IMPDH1: variants seen among roughly 807,000 people sequenced by gnomAD.
The protein encoded by IMPDH1 is inosine-5'-monophosphate dehydrogenase 1.
Under a neutral mutation model 73.5 loss-of-function variants are expected in IMPDH1, and 41 were observed. That is an observed-to-expected ratio of 0.56 (90% CI 0.43 to 0.72). The LOEUF (loss-of-function observed/expected upper bound fraction) is 0.72. Ranked by LOEUF, IMPDH1 falls within the 30% of genes least tolerant of loss-of-function variation. The probability of loss-of-function intolerance (pLI) is 0.00; values close to 1 mark genes in which losing one functional copy is unlikely to be tolerated. For missense variants in IMPDH1, 645 were observed against 824.8 expected (o/e 0.78, Z 2.67); for synonymous variants, 318 against 334.3 (o/e 0.95, Z 0.53).
At position 128,405,772 on chromosome 7, in the gene IMPDH1, G is replaced by C; in HGVS notation, c.348C>G (p.Thr116=). 6.5e-7 allele frequency: 1 copy of C among 1,538,106 alleles called. No individual in the cohort carries two copies. ...QQLFASADGL[T]YNDFLILPGF... ...GTACGAGACCCGGCGCTTACTTGTA[G>C]GTGAGGCCGTCGGCGCTGGCGAAGA... The change falls in exon 4 of 17, where the codon ACC becomes ACG. Residue 116 remains threonine, a synonymous_variant. Transcript: ENST00000338791.
At position 128,398,726 on chromosome 7, in the gene IMPDH1, C is replaced by G. The variant is rs1294869021; in HGVS notation, c.875-113G>C. The G allele has an allele frequency of 3.6e-6, 3 of 835,270 alleles. No homozygotes were observed. In the East Asian group the frequency reaches 7.7e-5, roughly 21 times the overall value. 51.7% of individuals were successfully genotyped at this position (835,270 alleles called of 1,614,324 possible). On this transcript the variant is annotated intron_variant, in intron 9 of 16. Coordinates refer to ENST00000338791, the MANE Select transcript of IMPDH1 (RefSeq NM_000883.4). This position sits in a 1 kb window ranked among gnomAD's most constrained non-coding sequence, Gnocchi z 4.3. ...ACTCCAGAGATTCCACTGAAGTACC[C>G]CAGTCAGCCACTAGGTGACAGCACC...
In IMPDH1 at chr7:128,398,071, C is replaced by T. The variant is rs909501933; in HGVS notation, c.1074+343G>A. On this transcript the variant is annotated intron_variant, in intron 10 of 16. Coordinates refer to ENST00000338791, the MANE Select transcript of IMPDH1 (RefSeq NM_000883.4). This position sits in a 1 kb window ranked among gnomAD's most constrained non-coding sequence, Gnocchi z 4.3. ...TTGCTGCAAAGGACAGGATTTCATT[C>T]TTTCTTATGGCTGTGCCACTGGAGA... Among the ~76,000 whole-genome samples, 1 of 152,212 alleles carries T rather than the reference C, an allele frequency of 6.6e-6. No individual in the cohort carries two copies. The highest frequency in any genetic ancestry group is 2.4e-5 in the African/African-American group (1 of 41,460).
At chr7:128,406,100 G>A (rs1179178426) in intron 3 of IMPDH1, 1 of 105,542 alleles carries the variant, frequency 9.5e-6, no homozygotes, top group African/African-American at 3.6e-5. Context: ...GCCTCCGCCC[G>A]CGCCGCACAA....
At chr7:128,408,450 C>G (rs1798918668) in intron 3 of IMPDH1, among the ~76,000 whole-genome samples, 1 of 152,190 alleles carries the variant, frequency 6.6e-6, no homozygotes, top group Admixed American at 6.5e-5. Context: ...ATCCTGTCCT[C>G]TTCCCACAGC....
In IMPDH1 at chr7:128,400,998, G is replaced by T; in HGVS notation, c.504+17C>A. 2 of 1,607,082 alleles carry T rather than the reference G, an allele frequency of 1.2e-6. No homozygotes were observed. The highest frequency in any genetic ancestry group is 1.7e-6 in the Non-Finnish European group (2 of 1,173,550). ...TTCCTGTGTGCCCTGGAGTCCCCAT[G>T]CAGGTGTGTAACTCACAGCCATGGC... is the stretch of plus-strand genomic sequence containing the variant. On this transcript the variant is annotated intron_variant, in intron 6 of 16. Transcript: ENST00000338791.
chr7:128,399,546 G>A lies in IMPDH1; in HGVS notation c.874+549C>T, dbSNP rs549782895. Among the ~76,000 whole-genome samples the A allele has an allele frequency of 4.1e-4, 63 of 151,826 alleles. No individual in the cohort carries two copies. The South Asian group carries it at 5.2e-3, about 13-fold the overall frequency. On this transcript the variant is annotated intron_variant, in intron 9 of 16. Coordinates refer to ENST00000338791, the MANE Select transcript of IMPDH1 (RefSeq NM_000883.4). ...ACAAAAAAAAAAAAAAAATTAGCTG[G>A]TATAGTAGCACATGCCTGTAATCCT...
rs753065401 is a variant in IMPDH1, at chr7:128,405,808, G to C, written c.312C>G (p.Thr104=). ...GTGYVPEDGL[T]AQQLFASADG... ...CGGCGCTGGCGAAGAGCTGCTGCGC[G>C]GTGAGCCCATCCTCGGGCACGTAGC... Residue 104 remains threonine, a synonymous_variant, in exon 4 of 17, where the codon ACC becomes ACG. Transcript: ENST00000338791. 9.1e-6 allele frequency: 14 copies of C among 1,543,414 alleles called. No homozygotes were observed. Among genetic ancestry groups the C allele is most frequent in the Middle Eastern group, 4.6e-4 (2 of 4,352 alleles).
At position 128,400,525 on chromosome 7, in the gene IMPDH1, G is replaced by A. The variant is rs1325770486; in HGVS notation, c.594C>T (p.Gly198=). 6.2e-7 allele frequency: 1 copy of A among 1,612,800 alleles called. No individual in the cohort carries two copies. Among genetic ancestry groups the A allele is most frequent in the East Asian group, 2.2e-5 (1 of 44,872 alleles). Residue 198 remains glycine, a synonymous_variant, in exon 8 of 17, where the codon GGC becomes GGT. Coordinates refer to ENST00000338791, the MANE Select transcript of IMPDH1 (RefSeq NM_000883.4). ...EVRKVKKFEQ[G]FITDPVVLSP... is the part of the protein sequence containing the mutation. Reference sequence around the variant, plus strand: ...TCAGCACCACAGGGTCCGTGATGAAGCCCTGTTCAAACTTCTGCGGGCAGA... The same window carrying A: ...TCAGCACCACAGGGTCCGTGATGAAACCCTGTTCAAACTTCTGCGGGCAGA...
Position 128,392,721 on chromosome 7 carries a change from G to T in IMPDH1, c.*286C>A. 2.1e-6 allele frequency: 1 copy of T among 465,470 alleles called. No individual in the cohort carries two copies. The highest frequency in any genetic ancestry group is 3.9e-6 in the Non-Finnish European group (1 of 255,304). 28.8% of individuals were successfully genotyped at this position (465,470 alleles called of 1,614,324 possible). A position where few individuals can be genotyped will look rare whatever the true frequency, so the allele number is the denominator to read the frequency against. On this transcript the variant is annotated 3_prime_UTR_variant, in exon 17 of 17. Transcript: ENST00000338791. Reference sequence around the variant, plus strand: ...TGGGGTGGGGGCCAGGCTGGAGCAGGCTGCAGCAAGAAAGACCTGAGGCAG... The same window carrying T: ...TGGGGTGGGGGCCAGGCTGGAGCAGTCTGCAGCAAGAAAGACCTGAGGCAG...
Position 128,409,912 on chromosome 7 carries a change from C to A in IMPDH1, c.-11G>T. 2 of 1,380,334 alleles carry A rather than the reference C, an allele frequency of 1.4e-6. No homozygotes were observed. Among genetic ancestry groups the A allele is most frequent in the South Asian group, 3.3e-5 (2 of 60,634 alleles). The allele number at this position is 1,380,334 out of a possible 1,614,324, so 85.5% of individuals were successfully genotyped here. A position where few individuals can be genotyped will look rare whatever the true frequency, so the allele number is the denominator to read the frequency against. On this transcript the variant is annotated 5_prime_UTR_variant, in exon 1 of 17. Coordinates refer to ENST00000338791, the MANE Select transcript of IMPDH1 (RefSeq NM_000883.4). ...GAGTGGCCCCTCCATGCGGAGGCCG[C>A]AGCTCAGGGCGGGCGGGAGCCTGGA...
rs748528873 is a variant in IMPDH1, at chr7:128,400,327, A to G, written c.786+6T>C. On this transcript the variant is annotated splice_donor_region_variant and intron_variant, in intron 8 of 16. Coordinates refer to ENST00000338791, the MANE Select transcript of IMPDH1 (RefSeq NM_000883.4). ...CCCAGCCCTGCTTCCCCTGCCCTGC[A>G]GGTACCTCACTGAGGAGGGTGGTGT... 2 of 1,613,104 alleles carry G rather than the reference A, an allele frequency of 1.2e-6. No homozygotes were observed. Among genetic ancestry groups the G allele is most frequent in the Non-Finnish European group, 1.7e-6 (2 of 1,179,470 alleles).
At chr7:128,405,996 G>A (rs1447111315) in intron 3 of IMPDH1, 131 bp from the exon 4 acceptor site, 10 of 632,196 alleles carry the variant, frequency 1.6e-5, no homozygotes, top group African/African-American at 2.0e-5. Context: ...GGCCGGGGGC[G>A]GGGGCGGGGG....
rs1037639535 is a variant in IMPDH1 at position 128,392,666 on chromosome 7, C to T, written c.*341G>A. On this transcript the variant is annotated 3_prime_UTR_variant, in exon 17 of 17. Coordinates refer to ENST00000338791, the MANE Select transcript of IMPDH1 (RefSeq NM_000883.4). ...AGGCTAGGGGCAGGGAGGTGCCCTA[C>T]AGGAGAAGCCAGGAGGGGCCGCCTG... The T allele has an allele frequency of 2.9e-6, 1 of 342,006 alleles. No homozygotes were observed. Among genetic ancestry groups the T allele is most frequent in the South Asian group, 3.3e-5 (1 of 30,574 alleles). The allele number at this position is 342,006 out of a possible 1,614,324, so 21.2% of individuals were successfully genotyped here.
intron 9 of IMPDH1, 78 bp downstream of exon 9, chr7:128,400,017 G>T: frequency 8.7e-7 from 1 of 1,153,334 alleles, no homozygotes; most frequent in Non-Finnish European, 1.3e-6. Context: ...GGGATAACCT[G>T]TAAGGCTGTG....
At chr7:128,406,126 C>A (rs1346040636) in intron 3 of IMPDH1, among the ~76,000 whole-genome samples, 2 of 150,164 alleles carry the variant, frequency 1.3e-5, no homozygotes, top group Non-Finnish European at 3.0e-5. Context: ...TCAGCCGCGC[C>A]GCGCGCACGC....
rs758641707 is a variant in IMPDH1, at chr7:128,400,400, A to T, written c.719T>A (p.Val240Glu). The T allele has an allele frequency of 1.2e-5, 20 of 1,612,376 alleles. No homozygotes were observed. The highest frequency in any genetic ancestry group is 1.7e-5 in the Non-Finnish European group (20 of 1,179,824). ...TETGTMGSKL[V>E]GIVTSRDIDF... is the part of the protein sequence containing the mutation. ...GATGTCTCGGGAGGTGACGATGCCC[A>T]CCAGCTTGCTGCCCATGGTGCCCGT... The change falls in exon 8 of 17, where the codon GTG becomes GAG. Residue 240 changes from valine to glutamate, a missense_variant. Val to Glu is a moderately radical substitution (Grantham distance 121). Transcript: ENST00000338791.
rs780809341 is a variant in IMPDH1 at position 128,400,477 on chromosome 7, A to G, written c.642T>C (p.Asp214=). 60 of 1,612,668 alleles carry G rather than the reference A, an allele frequency of 3.7e-5. No individual in the cohort carries two copies. The highest frequency in any genetic ancestry group is 4.6e-5 in the Non-Finnish European group (54 of 1,180,018). ...VVLSPSHTVG[D]VLEAKMRHGF... Reference sequence around the variant, plus strand: ...CATGCCGCATCTTGGCCTCCAGCACATCGCCCACAGTGTGCGAGGGGCTCA... The same window carrying G: ...CATGCCGCATCTTGGCCTCCAGCACGTCGCCCACAGTGTGCGAGGGGCTCA... The change falls in exon 8 of 17, where the codon GAT becomes GAC. Residue 214 remains aspartate, a synonymous_variant. Transcript: ENST00000338791.
chr7:128,403,792 G>A, intron 4 of IMPDH1, 38 bp from the exon 5 acceptor site: 1 of 1,593,478 alleles, frequency 6.3e-7, no homozygotes, highest in Non-Finnish European at 8.6e-7. Context: ...TAGTGGGGAG[G>A]GGTGCCCCAA....
chr7:128,405,500 C>T (rs985800219), intron 4 of IMPDH1, among the ~76,000 whole-genome samples: 7 of 152,178 alleles, frequency 4.6e-5, no homozygotes, highest in Non-Finnish European at 1.0e-4. Flanking sequence ...GCCCGAGGGC[C>T]CCTCCATGCC....
Sources: allele counts gnomAD v4.1 joint callset (sites outside exome capture counted in the v4.1 genomes callset), GRCh38; gene constraint gnomAD v4.1.1; non-coding constraint Gnocchi (gnomAD v3.1); transcripts MANE v1.5; gene names NCBI Gene and HGNC (gene_info 2026-07-23, HGNC 2026-07-21).